The following ARK2N variants were observed in gnomAD, a reference collection of about 807,000 sequenced individuals.
ARK2N encodes the protein protein ARK2N.
At chr18:46,180,478 G>A in the ARK2N span, among the ~76,000 whole-genome samples, 7 of 151,578 alleles carry the variant, frequency 4.6e-5, no homozygotes, top group Non-Finnish European at 8.8e-5. Flanking sequence ...AGGCCGAGGC[G>A]GGCGGATCAC....
At chr18:46,254,406 A>G in the ARK2N span, among the ~76,000 whole-genome samples, 1 of 152,244 alleles carries the variant, frequency 6.6e-6, no homozygotes, top group Non-Finnish European at 1.5e-5. Context: ...GTGTAGCATT[A>G]TAAACATAAT....
At chr18:46,206,377 C>T in the ARK2N span, among the ~76,000 whole-genome samples, 1 of 152,208 alleles carries the variant, frequency 6.6e-6, no homozygotes, top group East Asian at 1.9e-4. Flanking sequence ...TGAGCCACTG[C>T]TTGGCTGTAC....
chr18:46,255,994 A>G, the ARK2N span, among the ~76,000 whole-genome samples: 1 of 152,084 alleles, frequency 6.6e-6, no homozygotes, highest in Non-Finnish European at 1.5e-5. Flanking sequence ...ATTGTTGCTT[A>G]TGATATAAAT....
the ARK2N span, among the ~76,000 whole-genome samples, chr18:46,220,002 G>A: frequency 8.2e-3 from 1,241 of 152,140 alleles, 8 homozygotes; most frequent in African/African-American, 0.013. Context: ...TACGTGCATC[G>A]GTGTACATGG....
chr18:46,216,796 A>G, the ARK2N span: 1 of 537,638 alleles, frequency 1.9e-6, no homozygotes, highest in African/African-American at 1.9e-5. The surrounding 1 kb of genome is among the most constrained non-coding windows in gnomAD (Gnocchi z 4.3). Flanking sequence ...ACATCAGGAA[A>G]AACAAAATTA....
the ARK2N span, among the ~76,000 whole-genome samples, chr18:46,259,844 C>A: frequency 6.8e-6 from 1 of 147,136 alleles, no homozygotes; most frequent in Non-Finnish European, 1.5e-5. Context: ...CCATGGTGCC[C>A]AGGCTGGTGT....
At chr18:46,180,876 A>G in the ARK2N span, among the ~76,000 whole-genome samples, 1 of 152,248 alleles carries the variant, frequency 6.6e-6, no homozygotes. Context: ...GTATGGAACT[A>G]GTGTTTTCCC....
the ARK2N span, among the ~76,000 whole-genome samples, chr18:46,215,250 C>T: frequency 7.2e-5 from 11 of 152,118 alleles, no homozygotes; most frequent in African/African-American, 1.9e-4. Flanking sequence ...GCCAGGGCAA[C>T]GGAGGTTGCA....
At chr18:46,236,828 C>G in the ARK2N span, among the ~76,000 whole-genome samples, 3 of 70,718 alleles carry the variant, frequency 4.2e-5, no homozygotes, top group Non-Finnish European at 1.0e-4. Flanking sequence ...ATAGCAGCTT[C>G]TGTTTTTTTT....
the ARK2N span, among the ~76,000 whole-genome samples, chr18:46,235,785 C>T: frequency 1.3e-5 from 2 of 152,164 alleles, no homozygotes; most frequent in Admixed American, 1.3e-4. Flanking sequence ...AAATCTTGTG[C>T]TTCTGATTGT....
the ARK2N span, among the ~76,000 whole-genome samples, chr18:46,177,938 CACA>C: frequency 2.6e-5 from 4 of 152,144 alleles, no homozygotes; most frequent in Admixed American, 6.6e-5. Context: ...TCTTTATTCT[CACA>C]ACAACAATTT....
At chr18:46,217,103 G>A in the ARK2N span, 2 of 152,844 alleles carry the variant, frequency 1.3e-5, no homozygotes, top group Non-Finnish European at 2.9e-5. Context: ...CATATTCAAT[G>A]CATGAGAAGC....
the ARK2N span, among the ~76,000 whole-genome samples, chr18:46,255,445 C>CTT: frequency 1.3e-3 from 100 of 77,716 alleles, 3 homozygotes; most frequent in Middle Eastern, 8.9e-3. Context: ...CTTTTCTTTT[C>CTT]TTTTTTTTTT....
the ARK2N span, among the ~76,000 whole-genome samples, chr18:46,182,420 C>T: frequency 4.6e-5 from 7 of 151,962 alleles, no homozygotes; most frequent in Non-Finnish European, 1.0e-4. Flanking sequence ...AGAAAATGAC[C>T]AGGGCAGAAA....
At chr18:46,190,237 A>T in the ARK2N span, among the ~76,000 whole-genome samples, 24 of 152,060 alleles carry the variant, frequency 1.6e-4, no homozygotes, top group Non-Finnish European at 2.6e-4. Flanking sequence ...ACAGCTTTTC[A>T]GGCCGGGCGT....
the ARK2N span, among the ~76,000 whole-genome samples, chr18:46,205,503 A>G: frequency 0.014 from 2,067 of 152,302 alleles, 14 homozygotes; most frequent in Non-Finnish European, 0.019. Context: ...TTTTACGGGT[A>G]TGTCTTATTT....
At chr18:46,203,983 T>A in the ARK2N span, among the ~76,000 whole-genome samples, 3 of 152,146 alleles carry the variant, frequency 2.0e-5, no homozygotes, top group Admixed American at 6.5e-5. Flanking sequence ...TGAAAATTTG[T>A]GGGCATAGAT....
At chr18:46,248,593 G>GT in the ARK2N span, among the ~76,000 whole-genome samples, 5 of 151,824 alleles carry the variant, frequency 3.3e-5, no homozygotes, top group East Asian at 5.8e-4. Flanking sequence ...TTGTTTGTTT[G>GT]TTTTTTTGAG....
the ARK2N span, among the ~76,000 whole-genome samples, chr18:46,180,972 G>A: frequency 2.6e-5 from 4 of 151,552 alleles, no homozygotes; most frequent in Admixed American, 6.6e-5. Flanking sequence ...CTTAAATGTC[G>A]TTTTTTGGGC....
Sources: gnomAD v4.1 joint callset for allele counts (sites outside exome capture counted in the v4.1 genomes callset) on GRCh38, gnomAD v4.1.1 for gene constraint, Gnocchi (gnomAD v3.1) non-coding constraint, MANE v1.5 for transcripts, NCBI Gene and HGNC (gene_info 2026-07-23, HGNC 2026-07-21) for gene names.